The following NPAS3 variants were observed in gnomAD, a reference collection of about 807,000 sequenced individuals.
The protein encoded by NPAS3 is neuronal PAS domain protein 3.
NPAS3 carries 14 observed loss-of-function variants against 73.1 expected under a neutral mutation model. The ratio of observed to expected loss-of-function variants is 0.19; its 90% confidence interval spans 0.13 to 0.30. The LOEUF (loss-of-function observed/expected upper bound fraction) is 0.30, where lower values mean the gene tolerates loss of function less well. NPAS3 is among the 10% of genes least tolerant of loss of function. The probability of loss-of-function intolerance (pLI) is 1.00; values close to 1 mark genes in which losing one functional copy is unlikely to be tolerated. For missense variants in NPAS3, 1,096 were observed against 1,250.0 expected (o/e 0.88, Z 1.86); for synonymous variants, 620 against 541.5 (o/e 1.14, Z -2.01).
At chr14:33,611,021 G>T (rs1192630091) in intron 5 of NPAS3, 1 of 152,182 alleles carries the variant, frequency 6.6e-6, no homozygotes, top group Non-Finnish European at 1.5e-5. Context: ...CATGGAAAAA[G>T]CATGCATGTC....
chr14:33,430,713 A>G (rs1211632089), intron 4 of NPAS3, among the ~76,000 whole-genome samples: 1 of 152,164 alleles, frequency 6.6e-6, no homozygotes, highest in African/African-American at 2.4e-5. Context: ...GTAGATGCAC[A>G]TTTGATTTCC....
At chr14:33,518,861 G>C (rs894392316) in intron 4 of NPAS3, among the ~76,000 whole-genome samples, 3 of 146,504 alleles carry the variant, frequency 2.0e-5, no homozygotes, top group Non-Finnish European at 4.4e-5. Context: ...ATCAACAGGA[G>C]GGTAGGAGCT....
chr14:33,606,719 T>C (rs1471913347), intron 5 of NPAS3, among the ~76,000 whole-genome samples: 2 of 151,764 alleles, frequency 1.3e-5, no homozygotes, highest in Non-Finnish European at 2.9e-5. Flanking sequence ...AAAAGCATTA[T>C]ACTTAAAAGA....
intron 4 of NPAS3, among the ~76,000 whole-genome samples, chr14:33,435,003 A>G (rs1488541077): frequency 1.3e-5 from 2 of 152,318 alleles, no homozygotes; most frequent in East Asian, 1.9e-4. Context: ...GGTCAAAAAT[A>G]TTGGGAGGGA....
In NPAS3 at chr14:33,800,513, A is replaced by T; in HGVS notation, c.2206A>T (p.Thr736Ser). The T allele has an allele frequency of 7.1e-7, 1 of 1,415,552 alleles. No homozygotes were observed. The highest frequency in any genetic ancestry group is 9.2e-7 in the Non-Finnish European group (1 of 1,092,420). 87.7% of individuals were successfully genotyped at this position (1,415,552 alleles called of 1,614,324 possible). The change falls in exon 12 of 12, where the codon ACC (threonine) becomes TCC (serine). Residue 736 changes from threonine to serine, a missense_variant. Transcript: ENST00000356141. The surrounding 1 kb of genome is among the most constrained non-coding windows in gnomAD (Gnocchi z 6.5). ...CAAGACTCAGTTCGGCGCCTCGGCC[A>T]CCGCGGCCCTGGCCCCCGTCGCCTC...
intron 1 of NPAS3, among the ~76,000 whole-genome samples, chr14:33,034,049 C>G (rs1460057920): frequency 6.6e-6 from 1 of 151,980 alleles, no homozygotes; most frequent in Non-Finnish European, 1.5e-5. Flanking sequence ...AATGTAATGG[C>G]TTTTAATCAC....
chr14:33,425,685 C>A (rs2048528096), intron 4 of NPAS3, among the ~76,000 whole-genome samples: 1 of 152,100 alleles, frequency 6.6e-6, no homozygotes, highest in East Asian at 1.9e-4. Flanking sequence ...TATACGGGAA[C>A]AAAATGTGTC....
intron 3 of NPAS3, among the ~76,000 whole-genome samples, chr14:33,360,074 G>A (rs2274512): frequency 0.34 from 51,712 of 152,068 alleles, 9,744 homozygotes; most frequent in South Asian, 0.42. Context: ...ACTGGCCTCC[G>A]CTGACACACA....
At chr14:33,191,482 A>G (rs935081643) in intron 2 of NPAS3, among the ~76,000 whole-genome samples, 6 of 152,200 alleles carry the variant, frequency 3.9e-5, no homozygotes, top group African/African-American at 1.2e-4. Flanking sequence ...CTTAGGGGCC[A>G]TTCATCTGTT....
chr14:33,044,634 T>G (rs546748575), intron 1 of NPAS3, among the ~76,000 whole-genome samples: 4 of 151,880 alleles, frequency 2.6e-5, no homozygotes, highest in Non-Finnish European at 4.4e-5. Context: ...GCCTTCAGAA[T>G]TCTAAGAGTG....
At chr14:33,083,358 T>A (rs2041925054) in intron 2 of NPAS3, among the ~76,000 whole-genome samples, 1 of 152,158 alleles carries the variant, frequency 6.6e-6, no homozygotes, top group African/African-American at 2.4e-5. Context: ...GACCTTATTA[T>A]GAGTAGTAGC....
At chr14:33,378,995 G>A (rs951597817) in intron 4 of NPAS3, among the ~76,000 whole-genome samples, 1 of 152,172 alleles carries the variant, frequency 6.6e-6, no homozygotes. Context: ...ATGACCGCGA[G>A]TGGAAAATTC....
intron 2 of NPAS3, among the ~76,000 whole-genome samples, chr14:33,172,786 T>C (rs1179311231): frequency 6.6e-6 from 1 of 152,082 alleles, no homozygotes. Context: ...ATTTGTTAAA[T>C]GAAGTTCATC....
chr14:33,592,666 C>T (rs1054002617), intron 5 of NPAS3, among the ~76,000 whole-genome samples: 3 of 152,114 alleles, frequency 2.0e-5, no homozygotes, highest in Admixed American at 6.5e-5. Flanking sequence ...TAAGAATTTG[C>T]ATAGAGGCAG....
intron 4 of NPAS3, among the ~76,000 whole-genome samples, chr14:33,554,595 C>T (rs2055271396): frequency 6.6e-6 from 1 of 152,146 alleles, no homozygotes; most frequent in African/African-American, 2.4e-5. Context: ...ACTGGTAATT[C>T]TTCTCTCTAA....
intron 3 of NPAS3, among the ~76,000 whole-genome samples, chr14:33,254,044 C>T (rs938428176): frequency 6.6e-6 from 1 of 152,082 alleles, no homozygotes; most frequent in African/African-American, 2.4e-5. Context: ...GCTAGATCAG[C>T]TCTTCTCCAT....
chr14:33,439,512 T>C (rs529411235), intron 4 of NPAS3, among the ~76,000 whole-genome samples: 89 of 152,318 alleles, frequency 5.8e-4, no homozygotes, highest in Non-Finnish European at 8.7e-4. Flanking sequence ...CTATTTGGAA[T>C]TGTGGCCATA....
chr14:33,242,567 T>G (rs556481850), intron 3 of NPAS3, among the ~76,000 whole-genome samples: 1 of 152,180 alleles, frequency 6.6e-6, no homozygotes, highest in African/African-American at 2.4e-5. Flanking sequence ...TTAGTCAGAG[T>G]AAGCTAAAGA....
chr14:33,432,959 T>C (rs1460405210), intron 4 of NPAS3, among the ~76,000 whole-genome samples: 1 of 152,240 alleles, frequency 6.6e-6, no homozygotes, highest in Non-Finnish European at 1.5e-5. Flanking sequence ...TACATAGGTA[T>C]TCCATGTCAT....
Sources: gnomAD v4.1 joint callset for allele counts (sites outside exome capture counted in the v4.1 genomes callset) on GRCh38, gnomAD v4.1.1 for gene constraint, Gnocchi (gnomAD v3.1) non-coding constraint, MANE v1.5 for transcripts, NCBI Gene and HGNC (gene_info 2026-07-23, HGNC 2026-07-21) for gene names.